The following UBR1 variants were observed in gnomAD, a reference collection of about 807,000 sequenced individuals.
The protein encoded by UBR1 is E3 ubiquitin-protein ligase UBR1.
UBR1 carries 102 observed loss-of-function variants against 242.1 expected under a neutral mutation model. That is an observed-to-expected ratio of 0.42 (90% CI 0.36 to 0.50). The LOEUF is 0.50. UBR1 is among the 20% of genes least tolerant of loss of function. The probability of loss-of-function intolerance (pLI) is 0.01; values close to 1 mark genes in which losing one functional copy is unlikely to be tolerated. For missense variants in UBR1, 1,772 were observed against 2,101.8 expected (o/e 0.84, Z 3.07); for synonymous variants, 675 against 684.8 (o/e 0.99, Z 0.22).
chr15:43,049,637 GGTTT>G (rs1399113163), intron 12 of UBR1, among the ~76,000 whole-genome samples: 1 of 151,910 alleles, frequency 6.6e-6, no homozygotes, highest in Non-Finnish European at 1.5e-5. Context: ...ATAGGATTGT[GGTTT>G]AATTTTTCTC....
Position 43,032,602 on chromosome 15 carries a change from T to C in UBR1, c.2220A>G (p.Ile740Met). ...AGATGAGGACCTGAAGCATTTCTTCTATTAGTGTATTATATTGTTTAATCA... is the reference window on the plus strand; with the variant it reads ...AGATGAGGACCTGAAGCATTTCTTCCATTAGTGTATTATATTGTTTAATCA... The part of the protein sequence containing the change: ...QDLIKQYNTL[I>M]EEMLQVLIYI... Residue 740 changes from isoleucine (I) to methionine (M), a missense_variant, in exon 20 of 47, where the codon ATA (isoleucine) becomes ATG (methionine). By Grantham distance (10) the Ile-to-Met change is conservative. This residue lies in a region of UBR1 where 734 missense variants were observed against 893.3 expected (regional missense o/e 0.82). Coordinates refer to ENST00000290650, the MANE Select transcript of UBR1 (RefSeq NM_174916.3). 6.5e-7 allele frequency: 1 copy of C among 1,537,924 alleles called. No homozygotes were observed. The highest frequency in any genetic ancestry group is 9.0e-7 in the Non-Finnish European group (1 of 1,116,438).
chr15:42,976,613 A>G (rs1307749061), intron 39 of UBR1, 104 bp downstream of exon 39: 1 of 1,403,938 alleles, frequency 7.1e-7, no homozygotes. Context: ...AAAAAACATA[A>G]CACAGAACCT....
intron 23 of UBR1, chr15:43,025,994 G>A (rs1187584977): frequency 1.3e-5 from 2 of 157,440 alleles, no homozygotes; most frequent in African/African-American, 4.8e-5. Context: ...ACGTTGGGAG[G>A]CCGAGGTGGG....
chr15:42,983,628 G>A lies in UBR1; in HGVS notation c.4150+269C>T, dbSNP rs550209479. On this transcript the variant is annotated intron_variant, in intron 37 of 46. Transcript: ENST00000290650. ...TGCAGTGAGCCGAGATTGCGCCATT[G>A]CTCTCCAGCCTCAGCAACAACAGCG... 5.3e-5 allele frequency among the ~76,000 whole-genome samples: 8 copies of A among 149,930 alleles called. No individual in the cohort carries two copies. The East Asian group carries it at 1.4e-3, about 26-fold the overall frequency.
intron 14 of UBR1, among the ~76,000 whole-genome samples, chr15:43,044,373 T>A (rs1596116414): frequency 1.3e-5 from 2 of 152,178 alleles, no homozygotes; most frequent in East Asian, 1.9e-4. Flanking sequence ...GGTGGGGCCA[T>A]CAGGACAAAA....
At chr15:43,070,716 C>T (rs1285677895) in intron 5 of UBR1, 79 bp downstream of exon 5, 2 of 1,589,250 alleles carry the variant, frequency 1.3e-6, no homozygotes, top group African/African-American at 1.3e-5. Flanking sequence ...CAGTAAATAA[C>T]AAAAACAATT....
At chr15:42,989,305 G>T (rs2032521034) in intron 34 of UBR1, among the ~76,000 whole-genome samples, 1 of 152,300 alleles carries the variant, frequency 6.6e-6, no homozygotes, top group Admixed American at 6.5e-5. Context: ...ATAAAATTCA[G>T]AGGAACAGAT....
intron 1 of UBR1, 22 bp downstream of exon 1, chr15:43,105,920 A>G: frequency 2.5e-6 from 4 of 1,611,792 alleles, no homozygotes; most frequent in Non-Finnish European, 3.4e-6. Context: ...AGGACAAAAG[A>G]GACTTGCCTA....
Position 43,002,672 on chromosome 15 carries a change from TGCTGAGA to T in UBR1, c.3535_3541del (p.Gln1180AlafsTer26). The T allele has an allele frequency of 6.2e-7, 1 of 1,614,184 alleles. No homozygotes were observed. Among genetic ancestry groups the T allele is most frequent in the Non-Finnish European group, 8.5e-7 (1 of 1,180,032 alleles). ...GTCAAAAAGGTCAACATGAATGCGCTGCTGAGAGCTCAGCTGTACAGCTTCAAAATAC... is the reference window on the plus strand; with the variant it reads ...GTCAAAAAGGTCAACATGAATGCGCTGCTCAGCTGTACAGCTTCAAAATAC... On this transcript the variant is annotated frameshift_variant, in exon 32 of 47. Coordinates refer to ENST00000290650, the MANE Select transcript of UBR1 (RefSeq NM_174916.3). LOFTEE classifies it high-confidence loss of function.
intron 14 of UBR1, among the ~76,000 whole-genome samples, chr15:43,044,850 G>A (rs368978101): frequency 2.6e-5 from 4 of 152,124 alleles, no homozygotes; most frequent in African/African-American, 7.2e-5. Flanking sequence ...AGCCAAGTTC[G>A]TGCCACTGCA....
At chr15:43,036,480 A>C (rs1212199277) in intron 18 of UBR1, 48 bp downstream of exon 18, 4 of 1,405,504 alleles carry the variant, frequency 2.8e-6, no homozygotes, top group Non-Finnish European at 3.0e-6. Context: ...GAAAGAATTC[A>C]AGAAGGAAGA....
chr15:42,954,491 T>C (rs1470540094), intron 44 of UBR1, among the ~76,000 whole-genome samples: 1 of 152,068 alleles, frequency 6.6e-6, no homozygotes, highest in African/African-American at 2.4e-5. Context: ...TGGTTATAAC[T>C]AGATAAGAGA....
At chr15:43,017,047 G>C (rs745855728) in intron 28 of UBR1, 48 bp downstream of exon 28, 2 of 1,481,222 alleles carry the variant, frequency 1.4e-6, no homozygotes, top group Non-Finnish European at 1.9e-6. Context: ...AAAGTTCAAA[G>C]ACAGAGATGA....
At chr15:42,989,476 T>G (rs768495385) in intron 34 of UBR1, among the ~76,000 whole-genome samples, 11 of 152,200 alleles carry the variant, frequency 7.2e-5, no homozygotes, top group Non-Finnish European at 1.5e-4. Flanking sequence ...ACAAGTATTT[T>G]CAGTAGCAAT....
In UBR1 at chr15:43,066,286, G is replaced by C. The variant is rs376319257; in HGVS notation, c.798+1612C>G. Among the ~76,000 whole-genome samples the C allele has an allele frequency of 4.6e-5, 7 of 152,064 alleles. No individual in the cohort carries two copies. The South Asian group carries it at 1.5e-3, about 32-fold the overall frequency. ...ATAATCAGATGGTTCTAGGTGTGTG[G>C]TCTTATTTCTGAGTTCTCTATTATG... On this transcript the variant is annotated intron_variant, in intron 6 of 46. Coordinates refer to ENST00000290650, the MANE Select transcript of UBR1 (RefSeq NM_174916.3).
chr15:43,103,590 T>C (rs142609959), intron 1 of UBR1, among the ~76,000 whole-genome samples: 159 of 152,340 alleles, frequency 1.0e-3, no homozygotes, highest in African/African-American at 3.5e-3. Flanking sequence ...CACTAATTCA[T>C]ACGTATTATT....
intron 20 of UBR1, among the ~76,000 whole-genome samples, chr15:43,031,809 T>G (rs2033261206): frequency 6.6e-6 from 1 of 152,102 alleles, no homozygotes; most frequent in Non-Finnish European, 1.5e-5. Flanking sequence ...GATCATGAGG[T>G]CAGGAGTTCA....
At chr15:43,099,105 G>C (rs1431740671) in intron 1 of UBR1, among the ~76,000 whole-genome samples, 1 of 152,174 alleles carries the variant, frequency 6.6e-6, no homozygotes, top group Non-Finnish European at 1.5e-5. Context: ...GGGAGGCTGA[G>C]GCGGGTGGAT....
chr15:42,994,022 T>C (rs543807758), intron 33 of UBR1, among the ~76,000 whole-genome samples: 1 of 152,318 alleles, frequency 6.6e-6, no homozygotes, highest in East Asian at 1.9e-4. Flanking sequence ...GTTCTCATTG[T>C]TAATTGCTAA....
Sources: gnomAD v4.1 joint callset for allele counts (sites outside exome capture counted in the v4.1 genomes callset) on GRCh38, gnomAD v4.1.1 for gene constraint, gnomAD v4.1.1 regional missense constraint, MANE v1.5 for transcripts, NCBI Gene and HGNC (gene_info 2026-07-23, HGNC 2026-07-21) for gene names.